The following CYP2J2 variants were observed in gnomAD, a reference collection of about 807,000 sequenced individuals.
CYP2J2 encodes cytochrome P450 2J2.
In CYP2J2, 41 loss-of-function variants were observed where a neutral mutation model predicts 48.8. The ratio of observed to expected loss-of-function variants is 0.84; its 90% confidence interval spans 0.66 to 1.09. The LOEUF (loss-of-function observed/expected upper bound fraction) is 1.09, where lower values mean the gene tolerates loss of function less well. CYP2J2 is among the 50% of genes least tolerant of loss of function. The pLI, the probability that CYP2J2 is intolerant of heterozygous loss-of-function variation, is 0.00. For missense variants in CYP2J2, 644 were observed against 617.3 expected (o/e 1.04, Z -0.46); for synonymous variants, 221 against 227.1 (o/e 0.97, Z 0.24).
the CYP2J2 span, among the ~76,000 whole-genome samples, chr1:59,938,678 A>G: frequency 2.0e-3 from 297 of 152,160 alleles, 1 homozygote; most frequent in Non-Finnish European, 3.2e-3. Flanking sequence ...ACCTTCCTCT[A>G]TCTCAACTGC....
chr1:59,916,855 G>C (rs904054086), intron 1 of CYP2J2, among the ~76,000 whole-genome samples: 18 of 151,986 alleles, frequency 1.2e-4, no homozygotes, highest in African/African-American at 4.1e-4. Flanking sequence ...ACTTAAGAAG[G>C]CTGAGACATG....
the CYP2J2 span, among the ~76,000 whole-genome samples, chr1:59,938,064 T>C: frequency 5.3e-5 from 8 of 152,302 alleles, no homozygotes; most frequent in African/African-American, 1.9e-4. Context: ...TTCTCTAGGA[T>C]TGGTCCCTGG....
At chr1:59,938,092 T>A in the CYP2J2 span, among the ~76,000 whole-genome samples, 1 of 152,204 alleles carries the variant, frequency 6.6e-6, no homozygotes, top group Non-Finnish European at 1.5e-5. Context: ...TTAGTTCATT[T>A]GGTGAAGGCA....
intron 3 of CYP2J2, 21 bp downstream of exon 3, chr1:59,912,139 CCT>C (rs1206102345): frequency 6.2e-7 from 1 of 1,602,642 alleles, no homozygotes; most frequent in East Asian, 2.2e-5. Context: ...CAGTCTCTCA[CCT>C]CTGTCATATG....
At chr1:59,921,532 A>G (rs1289798540) in intron 1 of CYP2J2, among the ~76,000 whole-genome samples, 1 of 152,062 alleles carries the variant, frequency 6.6e-6, no homozygotes, top group Non-Finnish European at 1.5e-5. Context: ...TGGACCCATG[A>G]GGGGCACCTG....
At chr1:59,965,147 G>A in the CYP2J2 span, among the ~76,000 whole-genome samples, 1 of 152,220 alleles carries the variant, frequency 6.6e-6, no homozygotes, top group Non-Finnish European at 1.5e-5. Context: ...GGTGAAGCAA[G>A]TTTAACAGTA....
intron 6 of CYP2J2, among the ~76,000 whole-genome samples, chr1:59,905,479 C>A (rs1000468891): frequency 2.0e-5 from 3 of 152,216 alleles, no homozygotes; most frequent in Admixed American, 2.0e-4. Context: ...CTCCTAATAT[C>A]ATCACACTGG....
chr1:59,917,386 C>A (rs1049548521), intron 1 of CYP2J2, among the ~76,000 whole-genome samples: 7 of 152,176 alleles, frequency 4.6e-5, no homozygotes, highest in Admixed American at 2.0e-4. Flanking sequence ...TATTTTATCT[C>A]ATTAATCTCA....
the CYP2J2 span, among the ~76,000 whole-genome samples, chr1:59,958,541 C>T: frequency 1.3e-5 from 2 of 149,848 alleles, no homozygotes; most frequent in African/African-American, 5.0e-5. Context: ...CTTCCTAGAA[C>T]ATCCCAGTTC....
the CYP2J2 span, among the ~76,000 whole-genome samples, chr1:59,966,614 T>G: frequency 2.0e-5 from 3 of 152,136 alleles, no homozygotes; most frequent in Admixed American, 2.0e-4. Flanking sequence ...AACTGCTGGG[T>G]GGTTGTTGGT....
chr1:59,942,686 G>A, the CYP2J2 span, among the ~76,000 whole-genome samples: 3 of 152,132 alleles, frequency 2.0e-5, no homozygotes, highest in African/African-American at 7.2e-5. Flanking sequence ...TCATTGCAGT[G>A]AACAGGTTGG....
chr1:59,939,432 A>T, the CYP2J2 span, among the ~76,000 whole-genome samples: 1 of 152,204 alleles, frequency 6.6e-6, no homozygotes, highest in Non-Finnish European at 1.5e-5. Context: ...TCTCTCAAAC[A>T]AATAGAGTCT....
chr1:59,905,293 C>G (rs530599057), intron 6 of CYP2J2, among the ~76,000 whole-genome samples: 6 of 152,300 alleles, frequency 3.9e-5, no homozygotes, highest in South Asian at 2.1e-4. Flanking sequence ...GGCTAAACTT[C>G]ATTACATCAG....
the CYP2J2 span, among the ~76,000 whole-genome samples, chr1:59,968,264 T>G: frequency 6.6e-6 from 1 of 152,208 alleles, no homozygotes. Flanking sequence ...TGGAGTCAGA[T>G]GAAAATATTT....
At chr1:59,911,149 G>A (rs1303679006) in intron 4 of CYP2J2, among the ~76,000 whole-genome samples, 1 of 152,080 alleles carries the variant, frequency 6.6e-6, no homozygotes, top group East Asian at 1.9e-4. Flanking sequence ...ACAAAAAGTG[G>A]CACATTCATA....
chr1:59,954,111 C>A, the CYP2J2 span, among the ~76,000 whole-genome samples: 2 of 152,146 alleles, frequency 1.3e-5, no homozygotes, highest in Non-Finnish European at 2.9e-5. Flanking sequence ...CTACTTCCCC[C>A]ATCCTGATAT....
At chr1:59,904,391 C>T (rs541147856) in intron 7 of CYP2J2, 1 of 152,746 alleles carries the variant, frequency 6.5e-6, no homozygotes, top group African/African-American at 2.4e-5. Context: ...GTTAAAAACA[C>T]CAGCATTAAT....
chr1:59,945,694 C>G, the CYP2J2 span, among the ~76,000 whole-genome samples: 1 of 152,202 alleles, frequency 6.6e-6, no homozygotes, highest in Non-Finnish European at 1.5e-5. Context: ...ATCAGCTGCT[C>G]TAGCCAATTA....
At chr1:59,962,275 A>G in the CYP2J2 span, among the ~76,000 whole-genome samples, 23,625 of 152,084 alleles carry the variant, frequency 0.16, 2,716 homozygotes, top group African/African-American at 0.33. Flanking sequence ...CAAACCTAAA[A>G]GTATGTAAAC....
Sources: gnomAD v4.1 joint callset for allele counts (sites outside exome capture counted in the v4.1 genomes callset) on GRCh38, gnomAD v4.1.1 for gene constraint, MANE v1.5 for transcripts, NCBI Gene and HGNC (gene_info 2026-07-23, HGNC 2026-07-21) for gene names.